The following RORC variants were observed in gnomAD, a reference collection of about 807,000 sequenced individuals.
RORC encodes the protein RAR related orphan receptor C, also known as nuclear receptor ROR-gamma.
RORC carries 13 observed loss-of-function variants against 64.5 expected under a neutral mutation model. The ratio of observed to expected loss-of-function variants is 0.20; its 90% CI spans 0.13 to 0.32. The LOEUF is 0.32. RORC is among the 10% of genes least tolerant of loss of function. RORC has a pLI of 1.00. For missense variants in RORC, 468 were observed against 669.5 expected (o/e 0.70, Z 3.32); for synonymous variants, 277 against 259.3 (o/e 1.07, Z -0.65).
chr1:151,827,801 G>A (rs1468761069), intron 2 of RORC, among the ~76,000 whole-genome samples: 2 of 152,192 alleles, frequency 1.3e-5, no homozygotes, highest in African/African-American at 4.8e-5. Context: ...GTGGGGACAC[G>A]AGGACTGGTG....
At chr1:151,818,781 T>G (rs1350144419) in intron 2 of RORC, among the ~76,000 whole-genome samples, 2 of 152,196 alleles carry the variant, frequency 1.3e-5, no homozygotes, top group Non-Finnish European at 2.9e-5. Context: ...GGAGGGCGAA[T>G]GCACATTGCT....
chr1:151,818,141 T>C (rs1431916455), intron 2 of RORC, among the ~76,000 whole-genome samples: 2 of 152,196 alleles, frequency 1.3e-5, no homozygotes, highest in Admixed American at 6.5e-5. Flanking sequence ...GCCAGGGTCA[T>C]AGGCTAGTTT....
intron 2 of RORC, among the ~76,000 whole-genome samples, chr1:151,818,271 A>G (rs955998674): frequency 3.7e-4 from 56 of 152,294 alleles, no homozygotes; most frequent in African/African-American, 1.2e-3. Context: ...GTGGGTGTGC[A>G]TATGCAAGAA....
Position 151,825,543 on chromosome 1 carries a change from C to G in RORC, c.70+3886G>C, listed in dbSNP as rs539504716. Among the ~76,000 whole-genome samples the G allele has an allele frequency of 3.3e-5, 5 of 152,230 alleles. No homozygotes were observed. In the South Asian group the frequency reaches 8.3e-4, roughly 25 times the overall value. On this transcript the variant is annotated intron_variant, in intron 2 of 10. Transcript: ENST00000318247. Reference sequence around the variant, plus strand: ...GGGAAACACCGTAACAAGGGAAACACTGTAACAGGAGAGTGCGTTCAGGGC... The same window carrying G: ...GGGAAACACCGTAACAAGGGAAACAGTGTAACAGGAGAGTGCGTTCAGGGC...
chr1:151,822,512 C>T (rs1286326349), intron 2 of RORC, among the ~76,000 whole-genome samples: 1 of 152,206 alleles, frequency 6.6e-6, no homozygotes, highest in Non-Finnish European at 1.5e-5. Context: ...GCCAGCCACC[C>T]GAAACCCCCT....
intron 2 of RORC, among the ~76,000 whole-genome samples, chr1:151,825,351 C>T (rs1174918348): frequency 6.6e-6 from 1 of 152,156 alleles, no homozygotes; most frequent in Non-Finnish European, 1.5e-5. Context: ...TCCACATAGT[C>T]CTCATGTCCC....
intron 2 of RORC, among the ~76,000 whole-genome samples, chr1:151,821,396 C>T (rs2101667989): frequency 6.6e-6 from 1 of 152,302 alleles, no homozygotes; most frequent in African/African-American, 2.4e-5. Context: ...TAGAGCTGGG[C>T]CTTTTCCTCT....
intron 2 of RORC, among the ~76,000 whole-genome samples, chr1:151,821,988 C>T (rs1652008613): frequency 6.6e-6 from 1 of 152,112 alleles, no homozygotes; most frequent in Non-Finnish European, 1.5e-5. Flanking sequence ...ACAGGGTTCC[C>T]GGGGACTCCT....
chr1:151,813,637 G>A lies in RORC; in HGVS notation c.934-17C>T. On this transcript the variant is annotated splice_polypyrimidine_tract_variant and intron_variant, in intron 6 of 10. Transcript: ENST00000318247. ...CCACATGGACTGCAGGGAGGGAGGA[G>A]GGTCCCGCTGTAGCGCTCTGTGTGG... 1 of 1,613,824 alleles carries A rather than the reference G, an allele frequency of 6.2e-7. No homozygotes were observed. Among genetic ancestry groups the A allele is most frequent in the South Asian group, 1.1e-5 (1 of 91,006 alleles).
In RORC at chr1:151,813,477, T is replaced by C; in HGVS notation, c.1066+11A>G. ...CCTTGTCCCCAGGCCTGCCCACCCA[T>C]CCCTGGGCACCTGCTTTGAGAAGCA... On this transcript the variant is annotated intron_variant, in intron 7 of 10. Coordinates refer to ENST00000318247, the MANE Select transcript of RORC (RefSeq NM_005060.4). 2 of 1,613,988 alleles carry C rather than the reference T, an allele frequency of 1.2e-6. No homozygotes were observed. The highest frequency in any genetic ancestry group is 1.7e-6 in the Non-Finnish European group (2 of 1,179,938).
intron 2 of RORC, 118 bp from the exon 3 acceptor site, chr1:151,817,398 G>T: frequency 1.4e-6 from 1 of 697,656 alleles, no homozygotes; most frequent in Non-Finnish European, 2.6e-6. Context: ...ACCAGCTCCA[G>T]CTTGCTGTTT....
At chr1:151,812,765 C>G (rs1347881496) in intron 9 of RORC, 182 bp downstream of exon 9, 1 of 529,164 alleles carries the variant, frequency 1.9e-6, no homozygotes, top group Non-Finnish European at 3.4e-6. Flanking sequence ...TTGTCCCTCT[C>G]TGAGAGTCCT....
intron 10 of RORC, among the ~76,000 whole-genome samples, chr1:151,809,414 AAAC>A (rs774011696): frequency 5.9e-5 from 9 of 152,006 alleles, no homozygotes; most frequent in Non-Finnish European, 1.3e-4. Flanking sequence ...CAGAACAAAC[AAAC>A]AACAACAACA....
At position 151,814,907 on chromosome 1, in the gene RORC, G is replaced by A. The variant is rs1438902171; in HGVS notation, c.811+6C>T. On this transcript the variant is annotated splice_donor_region_variant and intron_variant, in intron 5 of 10. Coordinates refer to ENST00000318247, the MANE Select transcript of RORC (RefSeq NM_005060.4). ...TACCACCCTCTCCACCTCCCCAGCT[G>A]CTCACCTATCTCTGTCAGGGAGGCA... 1.9e-6 allele frequency: 3 copies of A among 1,609,594 alleles called. No homozygotes were observed. The highest frequency in any genetic ancestry group is 3.3e-5 in the Admixed American group (2 of 59,852).
At position 151,814,601 on chromosome 1, in the gene RORC, C is replaced by T; in HGVS notation, c.906G>A (p.Arg302=). ...LLRQRSNIFS[R]EEVTGYQRKS... ...TCCTCTGGTAGCCAGTCACTTCCTC[C>T]CGGGAGAAGATGTTGGAGCGCTGCC... Residue 302 remains arginine, a synonymous_variant, in exon 6 of 11, where the codon CGG becomes CGA. Coordinates refer to ENST00000318247, the MANE Select transcript of RORC (RefSeq NM_005060.4). 1 of 1,612,834 alleles carries T rather than the reference C, an allele frequency of 6.2e-7. No individual in the cohort carries two copies. Among genetic ancestry groups the T allele is most frequent in the Non-Finnish European group, 8.5e-7 (1 of 1,179,414 alleles).
At chr1:151,814,532 G>T in intron 6 of RORC, 42 bp downstream of exon 6, 1 of 1,584,394 alleles carries the variant, frequency 6.3e-7, no homozygotes, top group Non-Finnish European at 8.6e-7. Flanking sequence ...TCTCCCGGTG[G>T]GGGTGGGATA....
Position 151,816,740 on chromosome 1 carries a change from G to A in RORC, c.222C>T (p.Pro74=). ...ATCGGTTTCGGCTGGTGCGGTCGAT[G>A]GGGCAGTTCTGCTGACGGGTGCAGG... ...AYSCTRQQNC[P]IDRTSRNRCQ... is the part of the protein sequence containing the mutation. Residue 74 remains proline, a synonymous_variant, in exon 4 of 11, where the codon CCC becomes CCT. Coordinates refer to ENST00000318247, the MANE Select transcript of RORC (RefSeq NM_005060.4). 1 of 1,598,220 alleles carries A rather than the reference G, an allele frequency of 6.3e-7. No individual in the cohort carries two copies. The highest frequency in any genetic ancestry group is 8.5e-7 in the Non-Finnish European group (1 of 1,171,774).
chr1:151,821,341 A>G (rs1393374354), intron 2 of RORC, among the ~76,000 whole-genome samples: 1 of 152,198 alleles, frequency 6.6e-6, no homozygotes, highest in Non-Finnish European at 1.5e-5. Flanking sequence ...GGGTTCACAC[A>G]GAGAAACCCC....
At chr1:151,825,560 G>A (rs757679033) in intron 2 of RORC, among the ~76,000 whole-genome samples, 2 of 152,174 alleles carry the variant, frequency 1.3e-5, no homozygotes, top group Admixed American at 6.5e-5. Flanking sequence ...AGGAGAGTGC[G>A]TTCAGGGCCC....
Sources: allele counts gnomAD v4.1 joint callset (sites outside exome capture counted in the v4.1 genomes callset), GRCh38; gene constraint gnomAD v4.1.1; transcripts MANE v1.5; gene names NCBI Gene and HGNC (gene_info 2026-07-23, HGNC 2026-07-21).